FSTL4: variants seen among roughly 807,000 people sequenced by gnomAD.
The protein encoded by FSTL4 is follistatin like 4.
A neutral mutation model predicts 78.2 loss-of-function variants in FSTL4; 28 were observed. The ratio of observed to expected loss-of-function variants is 0.36; its 90% CI spans 0.27 to 0.49. The LOEUF is 0.49. FSTL4 is among the 20% of genes least tolerant of loss of function. The pLI is 0.98. For missense variants in FSTL4, 922 were observed against 1,084.9 expected (o/e 0.85, Z 2.11); for synonymous variants, 422 against 440.5 (o/e 0.96, Z 0.53).
chr5:133,255,626 C>T (rs1416885189), intron 6 of FSTL4, among the ~76,000 whole-genome samples: 1 of 152,254 alleles, frequency 6.6e-6, no homozygotes, highest in Non-Finnish European at 1.5e-5. Flanking sequence ...AGGCCATGAC[C>T]TATCTCTCTA....
chr5:133,208,449 T>C (rs547165849), intron 14 of FSTL4: 1 of 152,010 alleles, frequency 6.6e-6, no homozygotes, highest in African/African-American at 2.4e-5. Flanking sequence ...AGCCTGGACT[T>C]GTAGATTCCT....
chr5:133,830,567 T>C, the FSTL4 span, among the ~76,000 whole-genome samples: 1 of 152,200 alleles, frequency 6.6e-6, no homozygotes, highest in African/African-American at 2.4e-5. Context: ...AAGCCTTCTA[T>C]GTGATTCTCA....
At chr5:133,553,128 A>T (rs566871303) in intron 3 of FSTL4, among the ~76,000 whole-genome samples, 3 of 152,118 alleles carry the variant, frequency 2.0e-5, no homozygotes, top group Non-Finnish European at 2.9e-5. Flanking sequence ...CGCGGGAGAG[A>T]GGGTGAGTCC....
chr5:133,360,887 C>T (rs1421292732), intron 4 of FSTL4, among the ~76,000 whole-genome samples: 15 of 152,178 alleles, frequency 9.9e-5, no homozygotes, highest in African/African-American at 2.2e-4. Flanking sequence ...TACTCCCTAA[C>T]GCAGGGAGCT....
the FSTL4 span, among the ~76,000 whole-genome samples, chr5:133,668,198 T>G: frequency 1.3e-5 from 2 of 152,134 alleles, no homozygotes; most frequent in East Asian, 3.9e-4. Flanking sequence ...GCAGGCACGC[T>G]TATGGACTGG....
At chr5:133,283,790 T>C (rs1247711117) in intron 6 of FSTL4, among the ~76,000 whole-genome samples, 1 of 152,152 alleles carries the variant, frequency 6.6e-6, no homozygotes, top group African/African-American at 2.4e-5. Flanking sequence ...GAGACTGGGT[T>C]ATTGATGAAG....
chr5:133,791,001 G>T, the FSTL4 span, among the ~76,000 whole-genome samples: 3 of 152,222 alleles, frequency 2.0e-5, no homozygotes, highest in East Asian at 5.8e-4. Context: ...CCCTATACTG[G>T]CCTGCCAGGC....
Position 133,199,796 on chromosome 5 carries a change from A to G in FSTL4, c.1828T>C (p.Phe610Leu). ...TCAGACTTGTTGAAGATGAAGCCAA[A>G]CCTGGGAGGGGAAGAACTGAGGTCA... The part of the protein sequence containing the change: ...PTNLIINHIR[F>L]GFIFNKSDPA... Residue 610 changes from phenylalanine to leucine, a missense_variant and splice_region_variant, in exon 16 of 16, where the codon TTT becomes CTT. Transcript: ENST00000265342. The surrounding 1 kb of genome is among the most constrained non-coding windows in gnomAD (Gnocchi z 4.4). The G allele has an allele frequency of 6.5e-7, 1 of 1,528,648 alleles. No individual in the cohort carries two copies. Among genetic ancestry groups the G allele is most frequent in the Non-Finnish European group, 8.9e-7 (1 of 1,127,368 alleles). 94.7% of individuals were successfully genotyped at this position (1,528,648 alleles called of 1,614,324 possible).
At chr5:133,761,824 A>G in the FSTL4 span, among the ~76,000 whole-genome samples, 1 of 152,224 alleles carries the variant, frequency 6.6e-6, no homozygotes, top group Non-Finnish European at 1.5e-5. Context: ...CTGTGCTACT[A>G]GTCCGCATCA....
At chr5:133,719,566 A>T in the FSTL4 span, among the ~76,000 whole-genome samples, 1 of 151,448 alleles carries the variant, frequency 6.6e-6, no homozygotes, top group Non-Finnish European at 1.5e-5. Context: ...CCAGCTACTC[A>T]AGAGGCTGAG....
chr5:133,270,875 C>T (rs1277751848), intron 6 of FSTL4, among the ~76,000 whole-genome samples: 3 of 152,168 alleles, frequency 2.0e-5, no homozygotes, highest in African/African-American at 7.2e-5. Flanking sequence ...ATCCGCTGTG[C>T]CATCTGGAAA....
intron 4 of FSTL4, among the ~76,000 whole-genome samples, chr5:133,400,520 C>G (rs1260308590): frequency 6.6e-6 from 1 of 152,212 alleles, no homozygotes; most frequent in Non-Finnish European, 1.5e-5. Context: ...GGATTCTACT[C>G]CCCAAGGAGC....
chr5:133,689,276 C>A, the FSTL4 span, among the ~76,000 whole-genome samples: 1 of 152,192 alleles, frequency 6.6e-6, no homozygotes, highest in Admixed American at 6.5e-5. Flanking sequence ...AGATAACTCC[C>A]AGCTAACCAC....
chr5:133,201,971 G>A lies in FSTL4; in HGVS notation c.1788C>T (p.Phe596=). The A allele has an allele frequency of 6.2e-7, 1 of 1,611,540 alleles. No homozygotes were observed. The highest frequency in any genetic ancestry group is 8.5e-7 in the Non-Finnish European group (1 of 1,178,360). ...TGATGAGGTTTGTTGGGGGAATGAA[G>A]AAATCATCCACTCCTGCAAAGGGTG... The part of the protein sequence containing the change: ...IRTPFAGVDD[F]FIPPTNLIIN... Residue 596 remains phenylalanine (F), a synonymous_variant, in exon 15 of 16, where the codon TTC becomes TTT. Coordinates refer to ENST00000265342, the MANE Select transcript of FSTL4 (RefSeq NM_015082.2).
At chr5:133,290,083 C>T (rs947043280) in intron 6 of FSTL4, among the ~76,000 whole-genome samples, 10 of 152,310 alleles carry the variant, frequency 6.6e-5, no homozygotes, top group Admixed American at 2.0e-4. Flanking sequence ...AACAAACCTT[C>T]GGCAGCCAAT....
At chr5:133,643,177 TATGTAA>T in the FSTL4 span, among the ~76,000 whole-genome samples, 18 of 152,156 alleles carry the variant, frequency 1.2e-4, 1 homozygote. Context: ...CGTATATGTA[TATGTAA>T]GTATTTTATA....
At chr5:133,540,250 C>T (rs1045948261) in intron 3 of FSTL4, among the ~76,000 whole-genome samples, 2 of 122,316 alleles carry the variant, frequency 1.6e-5, no homozygotes, top group African/African-American at 3.4e-5. Flanking sequence ...CACACATACA[C>T]ACACACACAC....
chr5:133,280,505 T>G (rs567330482), intron 6 of FSTL4, among the ~76,000 whole-genome samples: 52 of 152,218 alleles, frequency 3.4e-4, no homozygotes, highest in Non-Finnish European at 6.8e-4. Context: ...ATAAAAGTCA[T>G]CCCCAAGCTG....
chr5:133,555,150 T>C (rs562938682), intron 3 of FSTL4, among the ~76,000 whole-genome samples: 1 of 152,354 alleles, frequency 6.6e-6, no homozygotes, highest in South Asian at 2.1e-4. Flanking sequence ...GTGAAAATGA[T>C]TAACTTTTAC....
Sources: gnomAD v4.1 joint callset for allele counts (sites outside exome capture counted in the v4.1 genomes callset) on GRCh38, gnomAD v4.1.1 for gene constraint, Gnocchi (gnomAD v3.1) non-coding constraint, MANE v1.5 for transcripts, NCBI Gene and HGNC (gene_info 2026-07-23, HGNC 2026-07-21) for gene names.